DSCAML1: variants seen among roughly 807,000 people sequenced by gnomAD.
DSCAML1 encodes the protein cell adhesion molecule DSCAML1.
DSCAML1 carries 38 observed loss-of-function variants against 200.5 expected under a neutral mutation model. The observed-to-expected ratio is 0.19, with a 90% confidence interval of 0.15 to 0.25. The LOEUF is 0.25. DSCAML1 is among the 10% of genes least tolerant of loss of function. The probability of loss-of-function intolerance (pLI) is 1.00; values close to 1 mark genes in which losing one functional copy is unlikely to be tolerated. For missense variants in DSCAML1, 2,223 were observed against 2,858.8 expected (o/e 0.78, Z 5.07); for synonymous variants, 1,215 against 1,165.0 (o/e 1.04, Z -0.87).
chr11:117,632,611 G>A (rs974474853), intron 3 of DSCAML1, among the ~76,000 whole-genome samples: 5 of 152,222 alleles, frequency 3.3e-5, no homozygotes, highest in African/African-American at 1.2e-4. Flanking sequence ...AGGAGCCGTA[G>A]TAGACTTGCT....
chr11:117,436,548 ACGTG>A (rs985919110), intron 26 of DSCAML1, among the ~76,000 whole-genome samples: 4 of 149,856 alleles, frequency 2.7e-5, no homozygotes, highest in Non-Finnish European at 6.0e-5. Context: ...GTATGTGTGC[ACGTG>A]TGTATGTATC....
intron 11 of DSCAML1, among the ~76,000 whole-genome samples, chr11:117,491,311 T>C (rs1427856233): frequency 1.3e-5 from 2 of 152,220 alleles, no homozygotes; most frequent in East Asian, 3.8e-4. Context: ...TTCTGTTACC[T>C]GCATTAACTC....
intron 3 of DSCAML1, among the ~76,000 whole-genome samples, chr11:117,627,468 G>T (rs1191922340): frequency 1.3e-5 from 2 of 152,114 alleles, no homozygotes; most frequent in African/African-American, 4.8e-5. Context: ...AATGCCGGGA[G>T]AGGTGCCCAG....
intron 3 of DSCAML1, among the ~76,000 whole-genome samples, chr11:117,582,842 G>T (rs147430310): frequency 1.3e-3 from 197 of 152,314 alleles, no homozygotes; most frequent in Non-Finnish European, 2.2e-3. Flanking sequence ...TGAAGCACAA[G>T]AAGCCTGAGT....
At chr11:117,470,796 A>C (rs983400428) in intron 15 of DSCAML1, among the ~76,000 whole-genome samples, 4 of 152,230 alleles carry the variant, frequency 2.6e-5, no homozygotes, top group African/African-American at 9.6e-5. Context: ...ACTATACAGC[A>C]CTGAAAAAGC....
chr11:117,458,326 A>G (rs192922641), intron 19 of DSCAML1, among the ~76,000 whole-genome samples: 78 of 152,328 alleles, frequency 5.1e-4, no homozygotes, highest in Admixed American at 9.1e-4. Flanking sequence ...GGCCAGGACC[A>G]TGCTGCGGCC....
intron 3 of DSCAML1, chr11:117,668,983 G>A (rs1456982372): frequency 6.6e-6 from 1 of 152,154 alleles, no homozygotes; most frequent in Non-Finnish European, 1.5e-5. Context: ...GCGCAGACTG[G>A]TAAGCCTGGC....
intron 3 of DSCAML1, among the ~76,000 whole-genome samples, chr11:117,762,229 G>A (rs1242619463): frequency 6.6e-6 from 1 of 152,226 alleles, no homozygotes; most frequent in Non-Finnish European, 1.5e-5. Context: ...CAGACATGGA[G>A]TGATTGTTTT....
At chr11:117,685,206 T>G (rs1327085652) in intron 3 of DSCAML1, among the ~76,000 whole-genome samples, 5 of 152,184 alleles carry the variant, frequency 3.3e-5, no homozygotes, top group Non-Finnish European at 5.9e-5. Flanking sequence ...ATTTCAGAGC[T>G]GGAAGGAATC....
intron 3 of DSCAML1, among the ~76,000 whole-genome samples, chr11:117,623,405 A>G (rs1028515930): frequency 1.3e-5 from 2 of 151,998 alleles, no homozygotes; most frequent in Non-Finnish European, 2.9e-5. Context: ...TAGTAGAGAC[A>G]GGGTTTTGCC....
intron 3 of DSCAML1, among the ~76,000 whole-genome samples, chr11:117,769,222 TTG>T (rs2054963974): frequency 3.5e-4 from 10 of 28,730 alleles, no homozygotes; most frequent in Non-Finnish European, 7.8e-4. Flanking sequence ...TTTATATATA[TTG>T]TATATATTAT....
intron 3 of DSCAML1, among the ~76,000 whole-genome samples, chr11:117,534,841 G>A (rs2050138213): frequency 6.6e-6 from 1 of 152,244 alleles, no homozygotes. Flanking sequence ...CAAACTCCTG[G>A]ATGCAAAGGA....
intron 3 of DSCAML1, among the ~76,000 whole-genome samples, chr11:117,752,065 A>G (rs2054614877): frequency 6.6e-6 from 1 of 152,030 alleles, no homozygotes; most frequent in African/African-American, 2.4e-5. Flanking sequence ...TGTCACTTCA[A>G]TGTTTCAGAG....
Position 117,481,240 on chromosome 11 carries a change from A to C in DSCAML1, c.2590T>G (p.Phe864Val). Residue 864 changes from phenylalanine (F) to valine (V), a missense_variant, in exon 13 of 33, where the codon TTC (phenylalanine) becomes GTC (valine). Phe to Val is a conservative substitution (Grantham distance 50, BLOSUM62 -1). Coordinates refer to ENST00000651296, the MANE Select transcript of DSCAML1 (RefSeq NM_020693.4). ...GAGTTGATGGCATGGCAGCTGAAGA[A>C]CACAGAGTCCCCACGGTCAGCGGGC... The part of the protein sequence containing the change: ...LKPADRGDSV[F>V]FSCHAINSYG... The C allele has an allele frequency of 1.2e-6, 2 of 1,613,836 alleles. No homozygotes were observed. The highest frequency in any genetic ancestry group is 1.7e-6 in the Non-Finnish European group (2 of 1,179,978).
At chr11:117,602,162 G>A (rs1046114847) in intron 3 of DSCAML1, among the ~76,000 whole-genome samples, 2 of 152,362 alleles carry the variant, frequency 1.3e-5, no homozygotes, top group East Asian at 3.9e-4. Context: ...AAAAACAGAA[G>A]TTTAATTTAT....
At chr11:117,769,471 TATA>T (rs1237977444) in intron 3 of DSCAML1, among the ~76,000 whole-genome samples, 3 of 78,536 alleles carry the variant, frequency 3.8e-5, no homozygotes, top group African/African-American at 2.0e-4. Flanking sequence ...ATATATATTT[TATA>T]TATATAATAT....
chr11:117,713,630 G>C (rs1315131345), intron 3 of DSCAML1, among the ~76,000 whole-genome samples: 1 of 152,218 alleles, frequency 6.6e-6, no homozygotes, highest in Non-Finnish European at 1.5e-5. Context: ...GAGCTTGACT[G>C]AGCTTAATAG....
At chr11:117,775,057 G>T (rs923399968) in intron 3 of DSCAML1, among the ~76,000 whole-genome samples, 1 of 152,136 alleles carries the variant, frequency 6.6e-6, no homozygotes, top group Non-Finnish European at 1.5e-5. Flanking sequence ...ATTTCTTTAT[G>T]TTCTTTAAAT....
At chr11:117,471,454 A>C (rs895957510) in intron 15 of DSCAML1, among the ~76,000 whole-genome samples, 10 of 152,186 alleles carry the variant, frequency 6.6e-5, no homozygotes, top group Non-Finnish European at 5.9e-5. Flanking sequence ...TTACAGGCAT[A>C]AGCCACCACT....
Sources: gnomAD v4.1 joint callset for allele counts (sites outside exome capture counted in the v4.1 genomes callset) on GRCh38, gnomAD v4.1.1 for gene constraint, MANE v1.5 for transcripts, NCBI Gene and HGNC (gene_info 2026-07-23, HGNC 2026-07-21) for gene names.